The following LRRC49 variants were observed in gnomAD, a reference collection of about 807,000 sequenced individuals.
The protein encoded by LRRC49 is leucine-rich repeat-containing protein 49.
A neutral mutation model predicts 83.3 loss-of-function variants in LRRC49; 50 were observed. The observed-to-expected ratio is 0.60, with a 90% CI of 0.48 to 0.76. The LOEUF is 0.76. Among genes scored for constraint, LRRC49 ranks in the 30% least tolerant of loss-of-function variants. The pLI, the probability that LRRC49 is intolerant of heterozygous loss-of-function variation, is 0.00. For missense variants in LRRC49, 704 were observed against 809.1 expected, an observed-to-expected ratio of 0.87 and a Z score of 1.58; for synonymous variants, 286 against 283.3, an observed-to-expected ratio of 1.01 and a Z score of -0.10.
chr15:70,886,237 A>T (rs2033404529), intron 2 of LRRC49, among the ~76,000 whole-genome samples: 1 of 152,200 alleles, frequency 6.6e-6, no homozygotes, highest in Non-Finnish European at 1.5e-5. Context: ...AATTGGGCTT[A>T]ATTTAGGTTA....
chr15:71,015,568 A>G (rs1312833208), intron 14 of LRRC49, among the ~76,000 whole-genome samples: 4 of 152,192 alleles, frequency 2.6e-5, no homozygotes, highest in Non-Finnish European at 4.4e-5. Flanking sequence ...AGCCATGGAC[A>G]GGCCTGAATA....
intron 11 of LRRC49, among the ~76,000 whole-genome samples, chr15:70,997,622 A>C (rs1250480888): frequency 6.6e-6 from 1 of 152,168 alleles, no homozygotes; most frequent in Non-Finnish European, 1.5e-5. Flanking sequence ...GTGGTGGTGC[A>C]TGCCTGTAAT....
chr15:70,932,101 TAAA>T (rs2035428696), intron 7 of LRRC49, among the ~76,000 whole-genome samples: 1 of 152,220 alleles, frequency 6.6e-6, no homozygotes, highest in African/African-American at 2.4e-5. Context: ...TCTGGGGTAT[TAAA>T]ACAGTGTGTA....
intron 2 of LRRC49, among the ~76,000 whole-genome samples, chr15:70,880,317 C>T (rs2033237080): frequency 6.6e-6 from 1 of 152,226 alleles, no homozygotes; most frequent in Non-Finnish European, 1.5e-5. Context: ...ATTATCCATT[C>T]ATTTTCTTGT....
Position 70,871,698 on chromosome 15 carries a change from C to T in LRRC49, c.-298-1210C>T, listed in dbSNP as rs572772767. Among the ~76,000 whole-genome samples, 853 of 146,984 alleles carry T rather than the reference C, an allele frequency of 5.8e-3. 4 individuals are homozygous for T. Among genetic ancestry groups the T allele is most frequent in the Middle Eastern group, 0.023 (6 of 256 alleles). ...CTCAGACGGGGCGGCCAGGAAGAGA[C>T]GCTCCTCACCTCCCAGACGGGGTGG... is the stretch of plus-strand genomic sequence containing the variant. On this transcript the variant is annotated intron_variant, in intron 1 of 16. Transcript: ENST00000544974.
intron 13 of LRRC49, among the ~76,000 whole-genome samples, chr15:71,011,800 T>G (rs577814473): frequency 6.6e-6 from 1 of 152,194 alleles, no homozygotes; most frequent in African/African-American, 2.4e-5. Flanking sequence ...TAGCCTGCAC[T>G]GATTCATAGG....
Position 71,049,723 on chromosome 15 carries a change from C to T in LRRC49, c.*111C>T. ...AACACTATCCTATAAACTAGAAAGACTAGTATAAAAGCATTATTGCCCACT... is the reference window on the plus strand; with the variant it reads ...AACACTATCCTATAAACTAGAAAGATTAGTATAAAAGCATTATTGCCCACT... On this transcript the variant is annotated 3_prime_UTR_variant, in exon 16 of 16. Coordinates refer to ENST00000260382, the MANE Select transcript of LRRC49 (RefSeq NM_017691.5). 1.5e-6 allele frequency: 1 copy of T among 688,604 alleles called. No individual in the cohort carries two copies. The highest frequency in any genetic ancestry group is 2.0e-5 in the South Asian group (1 of 51,098). The allele number at this position is 688,604 out of a possible 1,614,324, so 42.7% of individuals were successfully genotyped here.
rs1170236774 is a variant in LRRC49 at position 70,853,974 on chromosome 15, C to G, written c.-299+505C>G. ...GCCGGGTCCCCGGCGCCCCGAGTCT[C>G]CGCCCCCTCCTCCTCGTCCTCCAAC... On this transcript the variant is annotated intron_variant, in intron 1 of 16. Transcript: ENST00000544974. The G allele has an allele frequency of 5.5e-6, 8 of 1,461,176 alleles. No homozygotes were observed. In the Admixed American group the frequency reaches 7.3e-5, roughly 13 times the overall value. The allele number at this position is 1,461,176 out of a possible 1,614,324, so 90.5% of individuals were successfully genotyped here. A position where few individuals can be genotyped will look rare whatever the true frequency, so the allele number is the denominator to read the frequency against.
chr15:70,910,335 T>C (rs147412550), intron 5 of LRRC49, among the ~76,000 whole-genome samples: 155 of 152,278 alleles, frequency 1.0e-3, no homozygotes, highest in African/African-American at 3.6e-3. Context: ...TATGTTTACA[T>C]GGTAATGATC....
chr15:71,030,589 T>C (rs926419846), intron 14 of LRRC49, among the ~76,000 whole-genome samples: 12 of 152,184 alleles, frequency 7.9e-5, no homozygotes, highest in African/African-American at 2.7e-4. Context: ...GAAGTTCTCC[T>C]GGATAATATT....
chr15:70,915,623 T>C (rs1256079126), intron 6 of LRRC49, among the ~76,000 whole-genome samples: 2 of 152,228 alleles, frequency 1.3e-5, no homozygotes, highest in African/African-American at 4.8e-5. Context: ...CTGACATTAC[T>C]GATTACTTTT....
chr15:70,959,711 A>G (rs1224764702), intron 8 of LRRC49, among the ~76,000 whole-genome samples: 2 of 152,166 alleles, frequency 1.3e-5, no homozygotes, highest in African/African-American at 2.4e-5. Flanking sequence ...TCAAAATCCC[A>G]TAGGTTATTT....
intron 1 of LRRC49, chr15:70,859,175 A>C (rs2032725544): frequency 2.7e-6 from 4 of 1,467,526 alleles, no homozygotes; most frequent in Non-Finnish European, 3.8e-6. Flanking sequence ...GGAGACTCTG[A>C]GCCAGGAGAA....
At chr15:70,882,445 G>A in intron 2 of LRRC49, 2 of 1,600,120 alleles carry the variant, frequency 1.2e-6, no homozygotes, top group Non-Finnish European at 1.7e-6. Context: ...AGCATTTGAT[G>A]TTGAGTTTTT....
At chr15:71,013,264 G>A (rs928974761) in intron 14 of LRRC49, among the ~76,000 whole-genome samples, 3 of 152,146 alleles carry the variant, frequency 2.0e-5, no homozygotes, top group Non-Finnish European at 4.4e-5. Context: ...GAGTTTTCAG[G>A]TAGAGGATAT....
At chr15:70,873,183 C>T (rs1274864292) in exon 2 of LRRC49, 2 of 1,535,554 alleles carry the variant, frequency 1.3e-6, no homozygotes, top group African/African-American at 2.7e-5. Flanking sequence ...CCTCGCCCAG[C>T]CAACTTGACA....
Position 71,012,830 on chromosome 15 carries a change from T to A in LRRC49, c.1620T>A (p.Ala540=). The A allele has an allele frequency of 6.2e-7, 1 of 1,612,728 alleles. No homozygotes were observed. The highest frequency in any genetic ancestry group is 8.5e-7 in the Non-Finnish European group (1 of 1,179,070). ...TEVTQNDMIM[A]ERLFGILAHV... ...TGACACAGAATGATATGATAATGGC[T>A]GAAAGGCTCTTTGGAATCCTAGCAC... The change falls in exon 14 of 16, where the codon GCT becomes GCA. Residue 540 remains alanine, a synonymous_variant. Transcript: ENST00000260382.
At chr15:70,998,678 G>A (rs1286015203) in intron 11 of LRRC49, among the ~76,000 whole-genome samples, 1 of 151,174 alleles carries the variant, frequency 6.6e-6, no homozygotes, top group African/African-American at 2.4e-5. Flanking sequence ...GTTTATCCTA[G>A]TCAGAGTTCA....
chr15:70,872,846 T>C (rs12904060), intron 1 of LRRC49: 114,769 of 212,868 alleles, frequency 0.54, 32,700 homozygotes, highest in Admixed American at 0.7. Flanking sequence ...GTGAGAGAAA[T>C]GGCTCTGGCT....
Sources: allele counts gnomAD v4.1 joint callset (sites outside exome capture counted in the v4.1 genomes callset), GRCh38; gene constraint gnomAD v4.1.1; transcripts MANE v1.5; gene names NCBI Gene and HGNC (gene_info 2026-07-23, HGNC 2026-07-21).